Variants in TAOK1 observed in about 807,000 individuals in gnomAD.
TAOK1 encodes the protein TAO kinase 1, also known as serine/threonine-protein kinase TAO1.
In TAOK1, 21 loss-of-function variants were observed where a neutral mutation model predicts 138.3. The ratio of observed to expected loss-of-function variants is 0.15; its 90% CI spans 0.11 to 0.22. The LOEUF is 0.22. Ranked by LOEUF, TAOK1 falls within the 10% of genes least tolerant of loss-of-function variation. TAOK1 has a pLI of 1.00. For missense variants in TAOK1, 651 were observed against 1,227.7 expected (o/e 0.53, Z 7.02); for synonymous variants, 361 against 398.4 (o/e 0.91, Z 1.12).
chr17:29,414,599 G>A (rs944574419), intron 1 of TAOK1, among the ~76,000 whole-genome samples: 8 of 150,102 alleles, frequency 5.3e-5, no homozygotes, highest in Non-Finnish European at 8.9e-5. Context: ...CTCTGTCACC[G>A]AGGCTGGAGT....
chr17:29,510,579 G>T (rs2031703416), intron 14 of TAOK1, among the ~76,000 whole-genome samples: 1 of 152,082 alleles, frequency 6.6e-6, no homozygotes, highest in Non-Finnish European at 1.5e-5. Flanking sequence ...ATTGAGGGTT[G>T]GGAGGAAGGT....
At chr17:29,452,779 T>C (rs1598486762) in intron 2 of TAOK1, among the ~76,000 whole-genome samples, 1 of 152,364 alleles carries the variant, frequency 6.6e-6, no homozygotes, top group Middle Eastern at 3.4e-3. Flanking sequence ...CTGATTGTTT[T>C]TGAGCTTCAT....
At chr17:29,517,875 CAA>C (rs2031845551) in intron 16 of TAOK1, among the ~76,000 whole-genome samples, 1 of 151,200 alleles carries the variant, frequency 6.6e-6, no homozygotes, top group Non-Finnish European at 1.5e-5. Context: ...TTTTTTTTTT[CAA>C]GACAGTCTCT....
At chr17:29,537,999 C>A (rs1429774092) in intron 19 of TAOK1, among the ~76,000 whole-genome samples, 1 of 151,216 alleles carries the variant, frequency 6.6e-6, no homozygotes, top group Non-Finnish European at 1.5e-5. Flanking sequence ...GTAATTCCAG[C>A]TACTTGGGAG....
intron 2 of TAOK1, among the ~76,000 whole-genome samples, chr17:29,455,494 C>T (rs2030353551): frequency 6.6e-6 from 1 of 150,510 alleles, no homozygotes; most frequent in Non-Finnish European, 1.5e-5. Context: ...TGGGCTAGAA[C>T]TTCCAGTACA....
intron 1 of TAOK1, among the ~76,000 whole-genome samples, chr17:29,397,748 T>C (rs1383274573): frequency 2.4e-5 from 3 of 126,590 alleles, no homozygotes; most frequent in Non-Finnish European, 3.5e-5. Flanking sequence ...CACGTATATA[T>C]ACACGTATGT....
intron 1 of TAOK1, among the ~76,000 whole-genome samples, chr17:29,450,918 C>T (rs1170689287): frequency 6.6e-6 from 1 of 152,088 alleles, no homozygotes; most frequent in African/African-American, 2.4e-5. Context: ...TTTAATGAAA[C>T]AGTTGATAAA....
chr17:29,517,409 C>T lies in TAOK1; in HGVS notation c.1705-44C>T, dbSNP rs372913983. 14 of 1,594,074 alleles carry T rather than the reference C, an allele frequency of 8.8e-6. No individual in the cohort carries two copies. In the African/African-American group the frequency reaches 9.5e-5, roughly 11 times the overall value. ...TGCTGGGATTACAGGCGTGAGCCAC[C>T]GTGCCAGGCCTATTTTTACCTGAGT... On this transcript the variant is annotated intron_variant, in intron 15 of 19. Transcript: ENST00000261716.
chr17:29,441,120 G>T (rs1055510154), intron 1 of TAOK1, among the ~76,000 whole-genome samples: 1 of 152,268 alleles, frequency 6.6e-6, no homozygotes, highest in South Asian at 2.1e-4. Context: ...ATATTCATAA[G>T]GGGTATTGGT....
chr17:29,500,772 A>G (rs2031508644), intron 12 of TAOK1, among the ~76,000 whole-genome samples: 1 of 152,022 alleles, frequency 6.6e-6, no homozygotes, highest in South Asian at 2.1e-4. Context: ...TTTTACATCC[A>G]GTAGAATATT....
intron 12 of TAOK1, among the ~76,000 whole-genome samples, chr17:29,499,894 G>A (rs1640409240): frequency 6.6e-6 from 1 of 152,224 alleles, no homozygotes; most frequent in Middle Eastern, 3.4e-3. Context: ...TGTAATTGTA[G>A]AAAACTGTAG....
chr17:29,418,135 C>T (rs1268233528), intron 1 of TAOK1, among the ~76,000 whole-genome samples: 2 of 152,146 alleles, frequency 1.3e-5, no homozygotes, highest in African/African-American at 4.8e-5. Context: ...AATCCATCTG[C>T]CTCAGGCTCC....
At chr17:29,535,050 C>G (rs944922849) in intron 19 of TAOK1, among the ~76,000 whole-genome samples, 7 of 151,920 alleles carry the variant, frequency 4.6e-5, no homozygotes, top group African/African-American at 1.7e-4. Flanking sequence ...TTAGGCTGGG[C>G]TTAGGCCTCC....
chr17:29,482,796 A>T (rs559684322), intron 8 of TAOK1, among the ~76,000 whole-genome samples: 1 of 151,834 alleles, frequency 6.6e-6, no homozygotes, highest in East Asian at 1.9e-4. Flanking sequence ...GCCATGATCC[A>T]TAGGTATATG....
chr17:29,400,712 T>A (rs1904812461), intron 1 of TAOK1, among the ~76,000 whole-genome samples: 1 of 152,164 alleles, frequency 6.6e-6, no homozygotes, highest in African/African-American at 2.4e-5. Context: ...TAGATAATCA[T>A]AGGAAAGCAA....
Position 29,510,880 on chromosome 17 carries a change from A to G in TAOK1, c.1592A>G (p.Asn531Ser). 6.2e-7 allele frequency: 1 copy of G among 1,603,900 alleles called. No individual in the cohort carries two copies. Among genetic ancestry groups the G allele is most frequent in the East Asian group, 2.2e-5 (1 of 44,466 alleles). ...AMEKEAKVMS[N>S]EEKKFQQHIQ... ...TTCATATAGGCTAAAGTGATGTCCA[A>G]TGAAGAGAAAAAATTTCAGCAACAT... Residue 531 changes from asparagine to serine, a missense_variant, in exon 15 of 20, where the codon AAT (asparagine) becomes AGT (serine). This residue lies in a region of TAOK1 where 258 missense variants were observed against 548.9 expected (regional missense o/e 0.47). Coordinates refer to ENST00000261716, the MANE Select transcript of TAOK1 (RefSeq NM_020791.4).
intron 8 of TAOK1, 132 bp from the exon 9 acceptor site, chr17:29,489,532 A>G: frequency 1.7e-6 from 1 of 595,116 alleles, no homozygotes; most frequent in Admixed American, 3.6e-5. Flanking sequence ...TTTGAACTCT[A>G]CTTGCAATTT....
chr17:29,508,211 T>C, intron 14 of TAOK1, 79 bp downstream of exon 14: 1 of 1,259,202 alleles, frequency 7.9e-7, no homozygotes, highest in South Asian at 1.2e-5. Flanking sequence ...AGTTTGATGT[T>C]AGCGTATCTG....
intron 9 of TAOK1, among the ~76,000 whole-genome samples, chr17:29,491,392 A>G (rs963896050): frequency 1.3e-5 from 2 of 152,162 alleles, no homozygotes; most frequent in African/African-American, 4.8e-5. Flanking sequence ...ATATAGAAGA[A>G]GATCCAAGGG....
Sources: gnomAD v4.1 joint callset for allele counts (sites outside exome capture counted in the v4.1 genomes callset) on GRCh38, gnomAD v4.1.1 for gene constraint, gnomAD v4.1.1 regional missense constraint, MANE v1.5 for transcripts, NCBI Gene and HGNC (gene_info 2026-07-23, HGNC 2026-07-21) for gene names.